SYNJ1: variants seen among roughly 807,000 people sequenced by gnomAD.
SYNJ1 encodes the protein polyphosphatidylinositol phosphatase SYNJ1.
SYNJ1 carries 78 observed loss-of-function variants against 168.2 expected under a neutral mutation model. The observed-to-expected ratio is 0.46, with a 90% CI of 0.39 to 0.56. The LOEUF (loss-of-function observed/expected upper bound fraction) is 0.56. Among genes scored for constraint, SYNJ1 ranks in the 20% least tolerant of loss-of-function variants. The pLI, the probability that SYNJ1 is intolerant of heterozygous loss-of-function variation, is 0.00. For missense variants in SYNJ1, 1,303 were observed against 1,597.6 expected (o/e 0.82, Z 3.14); for synonymous variants, 539 against 548.6 (o/e 0.98, Z 0.24).
intron 11 of SYNJ1, among the ~76,000 whole-genome samples, chr21:32,679,374 G>A (rs2146030689): frequency 6.6e-6 from 1 of 152,248 alleles, no homozygotes; most frequent in South Asian, 2.1e-4. Flanking sequence ...AATATTACAT[G>A]TAAACTACAG....
intron 31 of SYNJ1, among the ~76,000 whole-genome samples, chr21:32,636,303 T>C (rs1353053126): frequency 6.6e-6 from 1 of 152,336 alleles, no homozygotes; most frequent in East Asian, 1.9e-4. Flanking sequence ...TAAGTGAGGA[T>C]TTTTTATACT....
intron 7 of SYNJ1, among the ~76,000 whole-genome samples, chr21:32,688,077 T>C (rs2041894106): frequency 6.6e-6 from 1 of 152,074 alleles, no homozygotes; most frequent in African/African-American, 2.4e-5. Flanking sequence ...GCTGCTATAC[T>C]GGACAATGCG....
At chr21:32,686,371 T>C (rs993523848) in intron 8 of SYNJ1, among the ~76,000 whole-genome samples, 7 of 152,196 alleles carry the variant, frequency 4.6e-5, no homozygotes, top group Non-Finnish European at 8.8e-5. Context: ...ACTTAGGAGA[T>C]TGAACTTTAG....
chr21:32,709,540 A>G (rs1170337437), intron 2 of SYNJ1, among the ~76,000 whole-genome samples: 2 of 146,032 alleles, frequency 1.4e-5, no homozygotes, highest in South Asian at 2.2e-4. Flanking sequence ...TTTTTGAGAC[A>G]GAGTCTCACT....
rs1245480307 is a variant in SYNJ1, at chr21:32,631,162, T to G, written c.*643A>C. 4 of 1,614,088 alleles carry G rather than the reference T, an allele frequency of 2.5e-6. No individual in the cohort carries two copies. Among genetic ancestry groups the G allele is most frequent in the Non-Finnish European group, 3.4e-6 (4 of 1,180,050 alleles). On this transcript the variant is annotated 3_prime_UTR_variant, in exon 33 of 33. Coordinates refer to ENST00000674351, the MANE Select transcript of SYNJ1 (RefSeq NM_203446.3). ...TTTGTACCTTTATTCCAGTCATCATTCAATGTCAGGTTGGAGCCAGAAAAT... is the reference window on the plus strand; with the variant it reads ...TTTGTACCTTTATTCCAGTCATCATGCAATGTCAGGTTGGAGCCAGAAAAT...
intron 28 of SYNJ1, 25 bp from the exon 29 acceptor site, chr21:32,641,991 T>C (rs754950068): frequency 3.7e-6 from 6 of 1,612,768 alleles, no homozygotes; most frequent in Admixed American, 3.3e-5. Flanking sequence ...TCATATCATA[T>C]ATTTAAGTTT....
chr21:32,698,289 C>T (rs986221176), intron 4 of SYNJ1, among the ~76,000 whole-genome samples: 3 of 152,186 alleles, frequency 2.0e-5, no homozygotes, highest in Non-Finnish European at 4.4e-5. Context: ...TGAGCTACAA[C>T]GTGACCAAGC....
chr21:32,681,455 A>G (rs1450194801), intron 11 of SYNJ1, 41 bp downstream of exon 11: 2 of 1,546,586 alleles, frequency 1.3e-6, no homozygotes, highest in African/African-American at 1.4e-5. Flanking sequence ...AAGAGAGGAA[A>G]AAGAGGATAT....
In SYNJ1 at chr21:32,700,076, C is replaced by T. The variant is rs1423846537; in HGVS notation, c.241G>A (p.Val81Ile). 1 of 1,613,956 alleles carries T rather than the reference C, an allele frequency of 6.2e-7. No homozygotes were observed. Residue 81 changes from valine (V) to isoleucine (I), a missense_variant, in exon 4 of 33, where the codon GTC becomes ATC. Coordinates refer to ENST00000674351, the MANE Select transcript of SYNJ1 (RefSeq NM_203446.3). The part of the protein sequence containing the change: ...GDTMLHYLVL[V>I]TGCMSVGKIQ... ...TTTCCAACAGACATACATCCAGTGA[C>T]TAGGACCAGATAATGTAACATAGTA...
chr21:32,708,611 C>T (rs1324435929), intron 2 of SYNJ1, among the ~76,000 whole-genome samples: 1 of 152,198 alleles, frequency 6.6e-6, no homozygotes, highest in East Asian at 1.9e-4. Flanking sequence ...AACACATAAG[C>T]TAAAGCAAAT....
At chr21:32,710,312 CAT>C (rs2042781516) in intron 2 of SYNJ1, among the ~76,000 whole-genome samples, 1 of 152,040 alleles carries the variant, frequency 6.6e-6, no homozygotes, top group Non-Finnish European at 1.5e-5. Flanking sequence ...GGCTAGGTGA[CAT>C]ATGTAACAGT....
At chr21:32,672,376 T>TG (rs949680279) in intron 14 of SYNJ1, among the ~76,000 whole-genome samples, 69 of 152,166 alleles carry the variant, frequency 4.5e-4, no homozygotes, top group African/African-American at 1.6e-3. Context: ...GTTTCACTCT[T>TG]GTCACCCAGG....
At chr21:32,636,208 G>C (rs983936303) in intron 31 of SYNJ1, among the ~76,000 whole-genome samples, 1 of 152,164 alleles carries the variant, frequency 6.6e-6, no homozygotes, top group Non-Finnish European at 1.5e-5. Context: ...ATAGCAGTGA[G>C]TTCGGTTCCT....
intron 4 of SYNJ1, 39 bp from the exon 5 acceptor site, chr21:32,695,321 C>T: frequency 6.4e-7 from 1 of 1,566,634 alleles, no homozygotes; most frequent in Non-Finnish European, 8.7e-7. Flanking sequence ...TTATGGAATA[C>T]TAAGTAACAA....
At chr21:32,648,343 A>G (rs10470165) in intron 23 of SYNJ1, among the ~76,000 whole-genome samples, 12,202 of 152,158 alleles carry the variant, frequency 0.08, 639 homozygotes, top group South Asian at 0.16. Flanking sequence ...CCTTCCATCC[A>G]TATCAATTTA....
rs1187548359 is a variant in SYNJ1 at position 32,677,838 on chromosome 21, C to T, written c.1510+807G>A. Among the ~76,000 whole-genome samples the T allele has an allele frequency of 2.6e-5, 4 of 152,186 alleles. No individual in the cohort carries two copies. The East Asian group carries it at 7.7e-4, about 29-fold the overall frequency. Reference sequence around the variant, plus strand: ...TACTTGATGCAGAAACAATTTTCTCCCACTTGAACAGGGAACATTAAAAAG... The same window carrying T: ...TACTTGATGCAGAAACAATTTTCTCTCACTTGAACAGGGAACATTAAAAAG... On this transcript the variant is annotated intron_variant, in intron 12 of 32. Transcript: ENST00000674351.
At chr21:32,653,448 T>A in intron 21 of SYNJ1, 82 bp from the exon 22 acceptor site, 1 of 1,117,214 alleles carries the variant, frequency 9.0e-7, no homozygotes, top group Non-Finnish European at 1.3e-6. Flanking sequence ...TATTGATCAT[T>A]AACAAGGGCC....
At chr21:32,704,984 C>T (rs188033822) in intron 2 of SYNJ1, among the ~76,000 whole-genome samples, 5 of 151,900 alleles carry the variant, frequency 3.3e-5, no homozygotes, top group African/African-American at 7.2e-5. Context: ...CCTGTCTCTA[C>T]GAAAAACACA....
intron 4 of SYNJ1, among the ~76,000 whole-genome samples, chr21:32,695,878 G>A (rs1282981216): frequency 3.4e-5 from 5 of 147,844 alleles, no homozygotes; most frequent in Non-Finnish European, 7.4e-5. Flanking sequence ...ACGGAGTCTC[G>A]CTCTGTCGCC....
Sources: allele counts gnomAD v4.1 joint callset (sites outside exome capture counted in the v4.1 genomes callset), GRCh38; gene constraint gnomAD v4.1.1; transcripts MANE v1.5; gene names NCBI Gene and HGNC (gene_info 2026-07-23, HGNC 2026-07-21).